KCNIP4: variants seen among roughly 807,000 people sequenced by gnomAD.
The protein encoded by KCNIP4 is Kv channel-interacting protein 4.
KCNIP4 carries 12 observed loss-of-function variants against 34.0 expected under a neutral mutation model. The observed-to-expected ratio is 0.35, with a 90% CI of 0.23 to 0.57. KCNIP4 has a LOEUF of 0.57. Ranked by LOEUF, KCNIP4 falls within the 20% of genes least tolerant of loss-of-function variation. KCNIP4 has a pLI of 0.83. For synonymous variants in KCNIP4, 124 were observed against 102.2 expected (o/e 1.21, Z -1.29); for missense variants, 238 against 311.7 (o/e 0.76, Z 1.78).
At chr4:21,434,626 T>G (rs538542932) in intron 1 of KCNIP4, among the ~76,000 whole-genome samples, 24 of 152,138 alleles carry the variant, frequency 1.6e-4, no homozygotes, top group African/African-American at 5.5e-4. Flanking sequence ...TGGCATTAGA[T>G]TCTCACAGGA....
chr4:21,764,570 T>C (rs17564865), intron 1 of KCNIP4, among the ~76,000 whole-genome samples: 13,978 of 152,108 alleles, frequency 0.092, 677 homozygotes, highest in Middle Eastern at 0.17. Flanking sequence ...GAAACCGGAC[T>C]ATATAAACCA....
At chr4:21,798,404 CATATATAT>C (rs112991875) in intron 1 of KCNIP4, among the ~76,000 whole-genome samples, 1 of 129,644 alleles carries the variant, frequency 7.7e-6, no homozygotes, top group African/African-American at 2.6e-5. Flanking sequence ...CAAAAAAATA[CATATATAT>C]ATATATATAT....
chr4:21,593,862 C>T (rs1742415922), intron 1 of KCNIP4, among the ~76,000 whole-genome samples: 1 of 152,090 alleles, frequency 6.6e-6, no homozygotes, highest in Admixed American at 6.6e-5. Context: ...CAAGAATTGT[C>T]TGTTACTGAG....
At chr4:21,865,662 C>A (rs957447415) in intron 1 of KCNIP4, among the ~76,000 whole-genome samples, 1 of 151,966 alleles carries the variant, frequency 6.6e-6, no homozygotes, top group Non-Finnish European at 1.5e-5. Flanking sequence ...CCTGCCTCAG[C>A]CTCTGGAGTC....
intron 3 of KCNIP4, among the ~76,000 whole-genome samples, chr4:20,822,372 A>G (rs1282929326): frequency 6.6e-6 from 1 of 152,202 alleles, no homozygotes; most frequent in African/African-American, 2.4e-5. Context: ...ACAATGAGAT[A>G]CCACCTTACT....
intron 1 of KCNIP4, among the ~76,000 whole-genome samples, chr4:21,751,220 A>G (rs950958148): frequency 3.9e-5 from 6 of 152,196 alleles, no homozygotes; most frequent in African/African-American, 1.4e-4. Flanking sequence ...ATTTAAAGAG[A>G]CTTGGAAAAC....
At position 21,501,223 on chromosome 4, in the gene KCNIP4, TTC is replaced by T. The variant is rs764384677; in HGVS notation, c.61+447346_61+447347del. Among the ~76,000 whole-genome samples the T allele has an allele frequency of 6.8e-3, 961 of 142,318 alleles. 13 individuals carry two copies. Among genetic ancestry groups the T allele is most frequent in the African/African-American group, 0.021 (821 of 38,622 alleles). 93.4% of individuals were successfully genotyped at this position (142,318 alleles called of 152,430 possible). ...AAAAAATTTAGTTTATCAACTGCCTTTCTCTCTCTCTCTCTCTCTCTCTCTCA... is the reference window on the plus strand; with the variant it reads ...AAAAAATTTAGTTTATCAACTGCCTTTCTCTCTCTCTCTCTCTCTCTCTCA... On this transcript the variant is annotated intron_variant, in intron 1 of 8. Coordinates refer to ENST00000382152, the MANE Select transcript of KCNIP4 (RefSeq NM_025221.6).
chr4:21,464,025 A>T (rs1418774218), intron 1 of KCNIP4, among the ~76,000 whole-genome samples: 3 of 151,886 alleles, frequency 2.0e-5, no homozygotes, highest in Non-Finnish European at 4.4e-5. Context: ...TTCCTATATG[A>T]TCCTTTTTTA....
At chr4:20,877,389 C>T (rs1724169090) in intron 2 of KCNIP4, among the ~76,000 whole-genome samples, 1 of 152,128 alleles carries the variant, frequency 6.6e-6, no homozygotes, top group Non-Finnish European at 1.5e-5. Flanking sequence ...TCCCCTGTTG[C>T]CCTATTTAAA....
At chr4:21,396,741 G>T (rs1723046383) in intron 1 of KCNIP4, among the ~76,000 whole-genome samples, 1 of 152,008 alleles carries the variant, frequency 6.6e-6, no homozygotes, top group Non-Finnish European at 1.5e-5. Context: ...GATGAAGCTG[G>T]AATGGTGAAA....
At chr4:21,072,248 C>T (rs943389013) in intron 1 of KCNIP4, among the ~76,000 whole-genome samples, 6 of 152,198 alleles carry the variant, frequency 3.9e-5, no homozygotes, top group Non-Finnish European at 7.3e-5. Context: ...AACTAGTTTA[C>T]AGTCCCACCA....
intron 5 of KCNIP4, among the ~76,000 whole-genome samples, chr4:20,741,348 G>A (rs1013069518): frequency 2.0e-4 from 31 of 152,156 alleles, no homozygotes; most frequent in Non-Finnish European, 7.4e-5. Flanking sequence ...AAATGTAAAA[G>A]AACAGAAATT....
chr4:21,848,375 C>G (rs73256585), intron 1 of KCNIP4: 1 of 152,078 alleles, frequency 6.6e-6, no homozygotes, highest in Non-Finnish European at 1.5e-5. Flanking sequence ...GGCTCCGTCG[C>G]TCACCCAGCT....
At chr4:21,506,480 G>A (rs1733855473) in intron 1 of KCNIP4, among the ~76,000 whole-genome samples, 1 of 152,162 alleles carries the variant, frequency 6.6e-6, no homozygotes, top group Non-Finnish European at 1.5e-5. Context: ...CAATTTAATA[G>A]TTAGTACATC....
At chr4:21,749,370 G>A (rs957302084) in intron 1 of KCNIP4, among the ~76,000 whole-genome samples, 5 of 152,102 alleles carry the variant, frequency 3.3e-5, no homozygotes, top group African/African-American at 9.7e-5. Flanking sequence ...TAGTTTCCAC[G>A]ATGATCGCTG....
chr4:20,875,428 A>G (rs1389594191), intron 2 of KCNIP4, among the ~76,000 whole-genome samples: 1 of 152,178 alleles, frequency 6.6e-6, no homozygotes, highest in Admixed American at 6.6e-5. Flanking sequence ...GGATATAATG[A>G]GTTATACTGT....
At chr4:21,319,350 C>A (rs947217056) in intron 1 of KCNIP4, among the ~76,000 whole-genome samples, 4 of 152,188 alleles carry the variant, frequency 2.6e-5, no homozygotes, top group African/African-American at 9.7e-5. Flanking sequence ...ACAGAGTGAA[C>A]CTTGCCTTCA....
intron 1 of KCNIP4, among the ~76,000 whole-genome samples, chr4:20,922,547 G>GTCTGTCTGTCTATCTGTCTA (rs373186954): frequency 1.5e-5 from 2 of 129,524 alleles, no homozygotes; most frequent in Non-Finnish European, 3.3e-5. Context: ...CTGTCTGTCT[G>GTCTGTCTGTCTATCTGTCTA]TCTATCTATC....
chr4:21,709,279 G>A (rs1311219125), intron 1 of KCNIP4, among the ~76,000 whole-genome samples: 1 of 152,174 alleles, frequency 6.6e-6, no homozygotes, highest in East Asian at 1.9e-4. Context: ...TATATTTATT[G>A]AGTTTCTACT....
Sources: allele counts gnomAD v4.1 joint callset (sites outside exome capture counted in the v4.1 genomes callset), GRCh38; gene constraint gnomAD v4.1.1; transcripts MANE v1.5; gene names NCBI Gene and HGNC (gene_info 2026-07-23, HGNC 2026-07-21).